LRRTM4: variants seen among roughly 807,000 people sequenced by gnomAD.
The protein encoded by LRRTM4 is leucine-rich repeat transmembrane neuronal protein 4.
Under a neutral mutation model 47.6 loss-of-function variants are expected in LRRTM4, and 25 were observed. The observed-to-expected ratio is 0.53, with a 90% confidence interval of 0.38 to 0.73. The LOEUF is 0.73. Among genes scored for constraint, LRRTM4 ranks in the 30% least tolerant of loss-of-function variants. LRRTM4 has a pLI of 0.00. For synonymous variants in LRRTM4, 311 were observed against 269.5 expected, an observed-to-expected ratio of 1.15 and a Z score of -1.51; for missense variants, 638 against 713.4, an observed-to-expected ratio of 0.89 and a Z score of 1.20.
intron 3 of LRRTM4, among the ~76,000 whole-genome samples, chr2:77,377,918 C>G (rs928794912): frequency 5.3e-5 from 8 of 151,904 alleles, no homozygotes; most frequent in African/African-American, 1.7e-4. Flanking sequence ...AAAAATCAAC[C>G]TATTAATCTT....
chr2:77,376,949 G>A (rs2103782939), intron 3 of LRRTM4, among the ~76,000 whole-genome samples: 1 of 151,892 alleles, frequency 6.6e-6, no homozygotes, highest in East Asian at 1.9e-4. Context: ...TTCCTTATGG[G>A]AGATTTGTCT....
At chr2:76,872,682 G>A (rs965559892) in intron 3 of LRRTM4, among the ~76,000 whole-genome samples, 1 of 151,980 alleles carries the variant, frequency 6.6e-6, no homozygotes, top group African/African-American at 2.4e-5. Context: ...CTATGCTATA[G>A]TTTGGATATT....
At chr2:77,274,730 A>T (rs1326190018) in intron 3 of LRRTM4, among the ~76,000 whole-genome samples, 2 of 152,208 alleles carry the variant, frequency 1.3e-5, no homozygotes, top group Non-Finnish European at 2.9e-5. Context: ...TCATTCCAAC[A>T]TCGACTAAAA....
chr2:76,807,437 CGTAT>C (rs1260070682), intron 3 of LRRTM4, among the ~76,000 whole-genome samples: 34 of 34,286 alleles, frequency 9.9e-4, no homozygotes, highest in East Asian at 2.3e-3. Context: ...TATATATATA[CGTAT>C]ATACATATAT....
chr2:76,812,700 CTTTCTTTATTTCT>C (rs1670772705), intron 3 of LRRTM4, among the ~76,000 whole-genome samples: 1 of 135,332 alleles, frequency 7.4e-6, no homozygotes, highest in South Asian at 2.3e-4. Flanking sequence ...TCTTTCTTTT[CTTTCTTTATTTCT>C]TTTTCTTTCT....
At chr2:76,961,463 C>G (rs546442723) in intron 3 of LRRTM4, among the ~76,000 whole-genome samples, 3 of 151,452 alleles carry the variant, frequency 2.0e-5, no homozygotes, top group South Asian at 2.1e-4. Flanking sequence ...GAGGAATGCT[C>G]TATCAGGAAT....
intron 3 of LRRTM4, among the ~76,000 whole-genome samples, chr2:77,484,877 G>A (rs1216373146): frequency 6.6e-6 from 1 of 151,952 alleles, no homozygotes; most frequent in African/African-American, 2.4e-5. Flanking sequence ...GTTTACCCAA[G>A]CACAAAGAGA....
At chr2:76,865,124 C>T (rs905600257) in intron 3 of LRRTM4, among the ~76,000 whole-genome samples, 18 of 152,184 alleles carry the variant, frequency 1.2e-4, no homozygotes, top group African/African-American at 3.9e-4. Context: ...TAAACACTTA[C>T]GTAACACTTC....
intron 3 of LRRTM4, among the ~76,000 whole-genome samples, chr2:77,095,424 T>C (rs1670778840): frequency 6.6e-6 from 1 of 152,066 alleles, no homozygotes; most frequent in African/African-American, 2.4e-5. Flanking sequence ...AGAAGTGAAA[T>C]TAATATGTCA....
chr2:77,382,205 A>G (rs1384712386), intron 3 of LRRTM4, among the ~76,000 whole-genome samples: 1 of 152,124 alleles, frequency 6.6e-6, no homozygotes, highest in Admixed American at 6.6e-5. Context: ...TCTGCTAAAT[A>G]TAAAGTAAAG....
intron 3 of LRRTM4, among the ~76,000 whole-genome samples, chr2:76,827,352 G>A (rs1370106235): frequency 2.0e-5 from 3 of 151,736 alleles, no homozygotes; most frequent in Non-Finnish European, 4.4e-5. Flanking sequence ...AACGCCAGGG[G>A]CCTTTGCAGA....
intron 3 of LRRTM4, among the ~76,000 whole-genome samples, chr2:77,259,017 T>G (rs1432640358): frequency 1.3e-5 from 2 of 151,986 alleles, no homozygotes; most frequent in Non-Finnish European, 2.9e-5. Flanking sequence ...CAAAACACAT[T>G]TAAAAATTAC....
chr2:77,023,662 CAA>C (rs1430614426), intron 3 of LRRTM4, among the ~76,000 whole-genome samples: 6 of 152,206 alleles, frequency 3.9e-5, no homozygotes, highest in Non-Finnish European at 8.8e-5. Context: ...TAAAACATAA[CAA>C]GAGTCACCTT....
At chr2:76,941,381 G>T (rs1675137644) in intron 3 of LRRTM4, among the ~76,000 whole-genome samples, 1 of 152,002 alleles carries the variant, frequency 6.6e-6, no homozygotes, top group South Asian at 2.1e-4. Flanking sequence ...TTGTTACATA[G>T]GTATACATGT....
chr2:77,405,141 T>A (rs1674132075), intron 3 of LRRTM4, among the ~76,000 whole-genome samples: 1 of 152,106 alleles, frequency 6.6e-6, no homozygotes. Flanking sequence ...TGAAAAAAAG[T>A]CAGCTTCCAC....
intron 3 of LRRTM4, among the ~76,000 whole-genome samples, chr2:77,242,910 G>C (rs1461334791): frequency 6.6e-6 from 1 of 151,992 alleles, no homozygotes; most frequent in African/African-American, 2.4e-5. Flanking sequence ...TCTTGAAAAA[G>C]TATCTATACA....
chr2:77,083,836 G>A (rs542243575), intron 3 of LRRTM4, among the ~76,000 whole-genome samples: 38 of 97,824 alleles, frequency 3.9e-4, no homozygotes, highest in African/African-American at 1.3e-3. Flanking sequence ...ACGGAGTCTC[G>A]CTCTGTCGCC....
At chr2:77,245,875 G>T (rs964159999) in intron 3 of LRRTM4, among the ~76,000 whole-genome samples, 4 of 152,272 alleles carry the variant, frequency 2.6e-5, no homozygotes, top group Middle Eastern at 3.4e-3. Context: ...GAACACTGGG[G>T]CTATGAAGCA....
At chr2:77,323,712 T>A (rs879744285) in intron 3 of LRRTM4, among the ~76,000 whole-genome samples, 1 of 152,054 alleles carries the variant, frequency 6.6e-6, no homozygotes, top group Non-Finnish European at 1.5e-5. Flanking sequence ...GACATCAGAG[T>A]TGCAATTCGA....
Sources: allele counts gnomAD v4.1 joint callset (sites outside exome capture counted in the v4.1 genomes callset), GRCh38; gene constraint gnomAD v4.1.1; transcripts MANE v1.5; gene names NCBI Gene and HGNC (gene_info 2026-07-23, HGNC 2026-07-21).